The following SLC14A2 variants were observed in gnomAD, a reference collection of about 807,000 sequenced individuals.
SLC14A2 encodes urea transporter 2.
A neutral mutation model predicts 104.6 loss-of-function variants in SLC14A2; 91 were observed. The ratio of observed to expected loss-of-function variants is 0.87; its 90% CI spans 0.73 to 1.04. The LOEUF (loss-of-function observed/expected upper bound fraction) is 1.04. SLC14A2 is among the 50% of genes least tolerant of loss of function. The pLI, the probability that SLC14A2 is intolerant of heterozygous loss-of-function variation, is 0.00. For missense variants in SLC14A2, 1,189 were observed against 1,156.0 expected, an observed-to-expected ratio of 1.03 and a Z score of -0.41; for synonymous variants, 476 against 466.4, an observed-to-expected ratio of 1.02 and a Z score of -0.27.
rs142931088 is a variant in SLC14A2 at position 45,334,515 on chromosome 18, C to A, written c.-125+121324C>A. Among the ~76,000 whole-genome samples, 1,303 of 152,250 alleles carry A rather than the reference C, an allele frequency of 8.6e-3. 7 individuals are homozygous for A. Among genetic ancestry groups the A allele is most frequent in the Non-Finnish European group, 0.013 (863 of 68,004 alleles). On this transcript the variant is annotated intron_variant, in intron 1 of 20. Transcript: ENST00000586448. ...AAGAATAAGAAAGAAAGTTCTTAAG[C>A]ACTTTTGTCACAATAACGTATAAAT...
chr18:45,537,408 C>T (rs903624024), intron 2 of SLC14A2, among the ~76,000 whole-genome samples: 7 of 152,042 alleles, frequency 4.6e-5, no homozygotes, highest in African/African-American at 1.7e-4. Context: ...GTGAAGAAGG[C>T]GAGGGAGTGA....
At chr18:45,622,971 A>G (rs552901125) in intron 1 of SLC14A2, among the ~76,000 whole-genome samples, 140 of 152,314 alleles carry the variant, frequency 9.2e-4, no homozygotes, top group African/African-American at 3.0e-3. Context: ...TGGTGAAAGC[A>G]TGGAAAAGTT....
At chr18:45,233,148 A>C (rs542954819) in intron 1 of SLC14A2, among the ~76,000 whole-genome samples, 9 of 152,248 alleles carry the variant, frequency 5.9e-5, no homozygotes, top group Non-Finnish European at 7.4e-5. Flanking sequence ...TGGAATCCAC[A>C]TATCGGAGTG....
intron 1 of SLC14A2, among the ~76,000 whole-genome samples, chr18:45,257,727 A>T (rs2084494354): frequency 6.6e-6 from 1 of 152,188 alleles, no homozygotes; most frequent in Non-Finnish European, 1.5e-5. Context: ...AGAAGGTATA[A>T]AATCACTGGT....
At chr18:45,463,337 C>T (rs567528876) in intron 1 of SLC14A2, among the ~76,000 whole-genome samples, 2 of 152,280 alleles carry the variant, frequency 1.3e-5, no homozygotes, top group South Asian at 2.1e-4. Flanking sequence ...AGCTGTGTGA[C>T]GTTGGTCTCC....
chr18:45,560,453 T>G (rs2044186383), intron 2 of SLC14A2, among the ~76,000 whole-genome samples: 1 of 152,100 alleles, frequency 6.6e-6, no homozygotes. Flanking sequence ...TTGGCCCTCC[T>G]TCTCAGCCAT....
intron 1 of SLC14A2, among the ~76,000 whole-genome samples, chr18:45,414,471 C>T (rs1380931127): frequency 1.3e-5 from 2 of 152,052 alleles, no homozygotes; most frequent in Non-Finnish European, 2.9e-5. Flanking sequence ...TCTTCCCTCT[C>T]TCATCAGTCT....
intron 2 of SLC14A2, chr18:45,483,486 T>C (rs2087536372): frequency 6.6e-6 from 1 of 151,800 alleles, no homozygotes; most frequent in African/African-American, 2.4e-5. Context: ...CCTCCTTGAG[T>C]CTTCCCCACT....
chr18:45,519,122 T>A (rs1357680184), intron 2 of SLC14A2, among the ~76,000 whole-genome samples: 2 of 152,186 alleles, frequency 1.3e-5, no homozygotes, highest in Non-Finnish European at 2.9e-5. Context: ...ATAATCATTT[T>A]AAAAAATCCT....
chr18:45,485,747 T>G (rs906337997), intron 2 of SLC14A2, among the ~76,000 whole-genome samples: 12 of 152,214 alleles, frequency 7.9e-5, no homozygotes, highest in African/African-American at 2.9e-4. Flanking sequence ...ACTTTTTTTT[T>G]TGTTACTGAG....
intron 1 of SLC14A2, among the ~76,000 whole-genome samples, chr18:45,314,086 C>T (rs1023063446): frequency 2.6e-5 from 4 of 152,120 alleles, no homozygotes; most frequent in South Asian, 2.1e-4. Flanking sequence ...GAATATGTGC[C>T]GGAGCACCAG....
intron 2 of SLC14A2, among the ~76,000 whole-genome samples, chr18:45,532,517 AGAATGCTTGTGATTTTT>A (rs2043711245): frequency 7.1e-6 from 1 of 141,050 alleles, no homozygotes; most frequent in Non-Finnish European, 1.5e-5. Flanking sequence ...TTGGTGTATA[AGAATGCTTGTGATTTTT>A]GCACATTGAT....
At chr18:45,635,446 G>A (rs2045404166) in intron 5 of SLC14A2, among the ~76,000 whole-genome samples, 1 of 152,228 alleles carries the variant, frequency 6.6e-6, no homozygotes, top group Non-Finnish European at 1.5e-5. Context: ...AAAATCCAGT[G>A]TCATGGTAGC....
chr18:45,214,740 T>C (rs774888966), intron 1 of SLC14A2, among the ~76,000 whole-genome samples: 13 of 152,090 alleles, frequency 8.5e-5, no homozygotes, highest in Non-Finnish European at 1.5e-4. Context: ...TCCAGTATTA[T>C]GTTTATCCAG....
chr18:45,317,412 T>A (rs1350674234), intron 1 of SLC14A2, among the ~76,000 whole-genome samples: 1 of 152,148 alleles, frequency 6.6e-6, no homozygotes. Flanking sequence ...ACTGTGGAAA[T>A]TAGTCCTTAA....
chr18:45,649,938 C>A (rs1041281950), intron 10 of SLC14A2, among the ~76,000 whole-genome samples: 3 of 152,220 alleles, frequency 2.0e-5, no homozygotes, highest in African/African-American at 7.2e-5. Context: ...CGTGTCTTTT[C>A]TCATCAATCC....
chr18:45,487,672 TAAAAGAGG>T (rs2087634887), intron 2 of SLC14A2, among the ~76,000 whole-genome samples: 1 of 152,044 alleles, frequency 6.6e-6, no homozygotes, highest in Admixed American at 6.6e-5. Flanking sequence ...GGAGTGGAAT[TAAAAGAGG>T]CAGAATAGGC....
At chr18:45,401,765 G>A (rs1291026639) in intron 1 of SLC14A2, among the ~76,000 whole-genome samples, 1 of 152,294 alleles carries the variant, frequency 6.6e-6, no homozygotes, top group Admixed American at 6.5e-5. Flanking sequence ...CAACTATGGT[G>A]GTGGCAGTAA....
At chr18:45,499,960 C>T (rs945325619) in intron 2 of SLC14A2, among the ~76,000 whole-genome samples, 1 of 152,176 alleles carries the variant, frequency 6.6e-6, no homozygotes, top group African/African-American at 2.4e-5. Flanking sequence ...ACAGAGTGAG[C>T]CTGCTCTGAC....
Sources: gnomAD v4.1 joint callset for allele counts (sites outside exome capture counted in the v4.1 genomes callset) on GRCh38, gnomAD v4.1.1 for gene constraint, MANE v1.5 for transcripts, NCBI Gene and HGNC (gene_info 2026-07-23, HGNC 2026-07-21) for gene names.